PARD3B: variants seen among roughly 807,000 people sequenced by gnomAD.
The protein encoded by PARD3B is par-3 family cell polarity regulator beta.
PARD3B carries 103 observed loss-of-function variants against 130.2 expected under a neutral mutation model. That is an observed-to-expected ratio of 0.79 (90% CI 0.67 to 0.93). The LOEUF (loss-of-function observed/expected upper bound fraction) is 0.93, where lower values mean the gene tolerates loss of function less well. PARD3B is among the 40% of genes least tolerant of loss of function. The probability of loss-of-function intolerance (pLI) is 0.00; values close to 1 mark genes in which losing one functional copy is unlikely to be tolerated. For synonymous variants in PARD3B, 583 were observed against 553.2 expected (o/e 1.05, Z -0.76); for missense variants, 1,609 against 1,499.2 (o/e 1.07, Z -1.21).
At chr2:205,445,228 A>G (rs1437079964) in intron 20 of PARD3B, among the ~76,000 whole-genome samples, 2 of 152,172 alleles carry the variant, frequency 1.3e-5, no homozygotes, top group Admixed American at 6.5e-5. Context: ...TCTGTGTTCT[A>G]CAGTCTTCTT....
At chr2:204,771,029 G>C (rs1480242118) in intron 2 of PARD3B, among the ~76,000 whole-genome samples, 4 of 152,064 alleles carry the variant, frequency 2.6e-5, no homozygotes, top group African/African-American at 7.2e-5. Context: ...TTATTGTTTA[G>C]CAAATCGCTG....
intron 18 of PARD3B, among the ~76,000 whole-genome samples, chr2:205,344,725 A>G (rs2043684863): frequency 6.6e-6 from 1 of 152,180 alleles, no homozygotes; most frequent in African/African-American, 2.4e-5. Flanking sequence ...TCTTTCCAGT[A>G]GAGTTTATGT....
chr2:205,467,541 G>A (rs1339043916), intron 20 of PARD3B, among the ~76,000 whole-genome samples: 1 of 152,056 alleles, frequency 6.6e-6, no homozygotes, highest in Non-Finnish European at 1.5e-5. Flanking sequence ...CTCAATATAT[G>A]CAAAATATAT....
chr2:205,285,772 A>G (rs1007399307), intron 16 of PARD3B, among the ~76,000 whole-genome samples: 9 of 152,056 alleles, frequency 5.9e-5, no homozygotes, highest in African/African-American at 1.7e-4. Context: ...GTATCTTGCC[A>G]CATCCCACCT....
intron 1 of PARD3B, among the ~76,000 whole-genome samples, chr2:204,666,529 A>T (rs148309421): frequency 3.2e-3 from 486 of 152,308 alleles, no homozygotes; most frequent in Non-Finnish European, 5.4e-3. Context: ...AGTGAGAGCA[A>T]GAGATGATGG....
intron 3 of PARD3B, among the ~76,000 whole-genome samples, chr2:205,046,180 A>T (rs1318845085): frequency 6.6e-6 from 1 of 152,082 alleles, no homozygotes; most frequent in African/African-American, 2.4e-5. Context: ...GGACAGAAAA[A>T]GATACTGGTA....
chr2:204,572,520 T>C (rs1440530924), intron 1 of PARD3B, among the ~76,000 whole-genome samples: 2 of 152,212 alleles, frequency 1.3e-5, no homozygotes, highest in Admixed American at 1.3e-4. Context: ...ATCTGACCAC[T>C]AGTTACAGGG....
At chr2:205,509,789 G>A (rs1559161274) in intron 21 of PARD3B, among the ~76,000 whole-genome samples, 1 of 152,362 alleles carries the variant, frequency 6.6e-6, no homozygotes, top group East Asian at 1.9e-4. Flanking sequence ...GACACTGCCT[G>A]TGGGCAGTGA....
At chr2:205,041,068 G>A (rs777630252) in intron 3 of PARD3B, among the ~76,000 whole-genome samples, 5 of 152,170 alleles carry the variant, frequency 3.3e-5, no homozygotes, top group Admixed American at 6.5e-5. Context: ...GAGAGAGTAT[G>A]AAATCCTGGC....
intron 19 of PARD3B, among the ~76,000 whole-genome samples, chr2:205,433,223 T>C (rs769885176): frequency 1.5e-4 from 23 of 152,140 alleles, no homozygotes; most frequent in Non-Finnish European, 2.8e-4. Context: ...CCTTTTCTTT[T>C]TGTGTTTTCT....
Position 205,509,796 on chromosome 2 carries a change from G to T in PARD3B, c.3180+9765G>T, listed in dbSNP as rs114003492. On this transcript the variant is annotated intron_variant, in intron 21 of 22. Transcript: ENST00000406610. ...CCCTGTCTGACACTGCCTGTGGGCA[G>T]TGACCTGATCCCAAGAGTGGATCCG... Among the ~76,000 whole-genome samples, 1,049 of 152,340 alleles carry T rather than the reference G, an allele frequency of 6.9e-3. 12 individuals are homozygous for T. Among genetic ancestry groups the T allele is most frequent in the African/African-American group, 0.024 (980 of 41,578 alleles).
intron 3 of PARD3B, among the ~76,000 whole-genome samples, chr2:205,017,844 G>A (rs1166009432): frequency 1.3e-5 from 2 of 152,186 alleles, no homozygotes; most frequent in Non-Finnish European, 2.9e-5. Context: ...GAACAGTGAG[G>A]TCAAGGGGGA....
At chr2:205,330,987 CT>C (rs1214087390) in intron 18 of PARD3B, among the ~76,000 whole-genome samples, 1 of 152,104 alleles carries the variant, frequency 6.6e-6, no homozygotes, top group African/African-American at 2.4e-5. Context: ...TTCTCTCTTC[CT>C]CGACGGAAAA....
intron 18 of PARD3B, among the ~76,000 whole-genome samples, chr2:205,307,531 C>T (rs2042228001): frequency 6.6e-6 from 1 of 152,130 alleles, no homozygotes; most frequent in African/African-American, 2.4e-5. Flanking sequence ...CACTAACCTG[C>T]AGAAAGACTG....
chr2:204,725,012 CAG>C (rs2039162583), intron 2 of PARD3B, among the ~76,000 whole-genome samples: 1 of 152,196 alleles, frequency 6.6e-6, no homozygotes, highest in African/African-American at 2.4e-5. Flanking sequence ...TGAATAAAAA[CAG>C]AGTAAGAGAC....
At chr2:205,436,872 T>G (rs979565994) in intron 19 of PARD3B, among the ~76,000 whole-genome samples, 2 of 152,122 alleles carry the variant, frequency 1.3e-5, no homozygotes, top group African/African-American at 4.8e-5. Flanking sequence ...AGCAGGTTCA[T>G]ACTTCTCTTT....
chr2:205,537,184 T>A (rs577933513), intron 21 of PARD3B, among the ~76,000 whole-genome samples: 1 of 152,118 alleles, frequency 6.6e-6, no homozygotes, highest in Non-Finnish European at 1.5e-5. Flanking sequence ...AAAACAGTAC[T>A]AGATAATAAA....
intron 13 of PARD3B, among the ~76,000 whole-genome samples, chr2:205,180,764 A>G (rs1206893906): frequency 6.6e-6 from 1 of 152,142 alleles, no homozygotes; most frequent in Admixed American, 6.5e-5. Context: ...ACTAATGTTT[A>G]TAGAAATCGT....
intron 20 of PARD3B, among the ~76,000 whole-genome samples, chr2:205,455,565 A>T (rs2048245446): frequency 6.6e-6 from 1 of 151,938 alleles, no homozygotes; most frequent in Non-Finnish European, 1.5e-5. Flanking sequence ...CATTTGGATG[A>T]CAGTTCTTAT....
Sources: gnomAD v4.1 joint callset for allele counts (sites outside exome capture counted in the v4.1 genomes callset) on GRCh38, gnomAD v4.1.1 for gene constraint, MANE v1.5 for transcripts, NCBI Gene and HGNC (gene_info 2026-07-23, HGNC 2026-07-21) for gene names.